COL6A1: variants seen among roughly 807,000 people sequenced by gnomAD.
COL6A1 encodes the protein collagen alpha-1(VI) chain.
A neutral mutation model predicts 145.6 loss-of-function variants in COL6A1; 80 were observed. That is an observed-to-expected ratio of 0.55 (90% CI 0.46 to 0.66). The LOEUF (loss-of-function observed/expected upper bound fraction) is 0.66, where lower values mean the gene tolerates loss of function less well. Ranked by LOEUF, COL6A1 falls within the 30% of genes least tolerant of loss-of-function variation. The pLI, the probability that COL6A1 is intolerant of heterozygous loss-of-function variation, is 0.00. For missense variants in COL6A1, 1,364 were observed against 1,473.8 expected, an observed-to-expected ratio of 0.93 and a Z score of 1.22; for synonymous variants, 638 against 622.8, an observed-to-expected ratio of 1.02 and a Z score of -0.36.
intron 29 of COL6A1, 154 bp from the exon 30 acceptor site, chr21:46,001,099 T>C: frequency 9.7e-7 from 1 of 1,034,324 alleles, no homozygotes; most frequent in East Asian, 2.6e-5. Flanking sequence ...TACGGGGCCA[T>C]GGGAGGGGGT....
chr21:45,999,247 G>A (rs373908392), intron 26 of COL6A1, 29 bp downstream of exon 26: 152 of 1,565,418 alleles, frequency 9.7e-5, no homozygotes, highest in Admixed American at 1.1e-4. Context: ...GTGAGGCCAC[G>A]GTGGGCTGTG....
intron 19 of COL6A1, among the ~76,000 whole-genome samples, chr21:45,993,846 C>G (rs1016063765): frequency 6.6e-6 from 1 of 152,206 alleles, no homozygotes; most frequent in Non-Finnish European, 1.5e-5. Context: ...AGCTTCCCGG[C>G]GGGCCACAAG....
At position 46,001,374 on chromosome 21, in the gene COL6A1, C is replaced by A; in HGVS notation, c.1944C>A (p.Asp648Glu). The change falls in exon 30 of 35, where the codon GAC (aspartate) becomes GAA (glutamate). Residue 648 changes from aspartate to glutamate, a missense_variant. Physicochemically the swap from Asp to Glu is conservative, Grantham distance 45. This residue lies in a region of COL6A1 where 938 missense variants were observed against 1,003.8 expected (regional missense o/e 0.93). Coordinates refer to ENST00000361866, the MANE Select transcript of COL6A1 (RefSeq NM_001848.3). ...AGGTCATCGACCGGCTGAGCCGGGA[C>A]GAGCTGGTCAAGGTGAGGCCTCGCC... The part of the protein sequence containing the change: ...VVKVIDRLSR[D>E]ELVKFEPGQS... 1 of 1,611,630 alleles carries A rather than the reference C, an allele frequency of 6.2e-7. No individual in the cohort carries two copies. The highest frequency in any genetic ancestry group is 8.5e-7 in the Non-Finnish European group (1 of 1,179,844).
intron 30 of COL6A1, among the ~76,000 whole-genome samples, chr21:46,001,664 G>A (rs1432837182): frequency 6.6e-6 from 1 of 152,206 alleles, no homozygotes; most frequent in Non-Finnish European, 1.5e-5. Context: ...GTGTGGGCTT[G>A]TCCCTCGTGG....
intron 30 of COL6A1, 135 bp from the exon 31 acceptor site, chr21:46,001,826 C>T (rs543107448): frequency 6.1e-5 from 45 of 741,922 alleles, no homozygotes; most frequent in South Asian, 2.9e-4. Flanking sequence ...CAGAGCCAAT[C>T]GCAGGGGACC....
intron 8 of COL6A1, 111 bp downstream of exon 8, chr21:45,987,765 CGGGG>C: frequency 8.9e-7 from 1 of 1,129,176 alleles, no homozygotes; most frequent in Non-Finnish European, 1.2e-6. Context: ...GAGGGGACGG[CGGGG>C]GTCCAGATGG....
intron 34 of COL6A1, 58 bp downstream of exon 34, chr21:46,003,207 G>T (rs2077859310): frequency 6.2e-7 from 1 of 1,612,892 alleles, no homozygotes; most frequent in East Asian, 2.2e-5. Flanking sequence ...TGGGGCGAGG[G>T]CTCTGAGAGG....
chr21:46,002,187 C>T (rs2077850184), intron 31 of COL6A1, 31 bp from the exon 32 acceptor site: 3 of 1,580,536 alleles, frequency 1.9e-6, no homozygotes, highest in Non-Finnish European at 2.6e-6. Context: ...GGCCTGGCCC[C>T]AACCGGCCCT....
At chr21:45,987,242 G>A (rs889555211) in intron 6 of COL6A1, 67 bp downstream of exon 6, 1 of 1,578,846 alleles carries the variant, frequency 6.3e-7, no homozygotes, top group Admixed American at 1.8e-5. Flanking sequence ...CCACCTGTGT[G>A]TTCAGGACGC....
At chr21:45,984,743 G>C (rs1356781793) in intron 3 of COL6A1, among the ~76,000 whole-genome samples, 1 of 151,956 alleles carries the variant, frequency 6.6e-6, no homozygotes, top group Non-Finnish European at 1.5e-5. Flanking sequence ...AAGAGTGACA[G>C]AGGGACCAAG....
chr21:45,984,746 G>C (rs1447741276), intron 3 of COL6A1, among the ~76,000 whole-genome samples: 1 of 144,428 alleles, frequency 6.9e-6, no homozygotes, highest in Non-Finnish European at 1.5e-5. Context: ...AGTGACAGAG[G>C]GACCAAGACA....
intron 26 of COL6A1, 56 bp from the exon 27 acceptor site, chr21:45,999,601 A>T: frequency 1.3e-6 from 2 of 1,596,656 alleles, no homozygotes; most frequent in Non-Finnish European, 1.7e-6. Context: ...GTCTCAGCTC[A>T]GGAAGCACAG....
intron 24 of COL6A1, 114 bp downstream of exon 24, chr21:45,998,547 A>G (rs988423071): frequency 8.4e-6 from 12 of 1,429,010 alleles, no homozygotes; most frequent in African/African-American, 1.4e-5. Context: ...CACACGGGGT[A>G]CACAGGCACC....
Position 45,994,076 on chromosome 21 carries a change from C to G in COL6A1, c.1336-91C>G. On this transcript the variant is annotated intron_variant, in intron 19 of 34. Coordinates refer to ENST00000361866, the MANE Select transcript of COL6A1 (RefSeq NM_001848.3). This position sits in a 1 kb window ranked among gnomAD's most constrained non-coding sequence, Gnocchi z 6.8. ...AAGGCCGGAACAGCCCAGTGACCAC[C>G]TGGACAGCATGCTGTGGCTCCCAGC... 7.5e-7 allele frequency: 1 copy of G among 1,337,272 alleles called. No homozygotes were observed. Among genetic ancestry groups the G allele is most frequent in the East Asian group, 2.5e-5 (1 of 40,004 alleles). 82.8% of individuals were successfully genotyped at this position (1,337,272 alleles called of 1,614,324 possible). A position where few individuals can be genotyped will look rare whatever the true frequency, so the allele number is the denominator to read the frequency against.
Position 45,994,072 on chromosome 21 carries a change from C to A in COL6A1, c.1336-95C>A. The A allele has an allele frequency of 7.8e-7, 1 of 1,288,484 alleles. No homozygotes were observed. Among genetic ancestry groups the A allele is most frequent in the Non-Finnish European group, 1.1e-6 (1 of 907,822 alleles). 79.8% of individuals were successfully genotyped at this position (1,288,484 alleles called of 1,614,324 possible). A position where few individuals can be genotyped will look rare whatever the true frequency, so the allele number is the denominator to read the frequency against. On this transcript the variant is annotated intron_variant, in intron 19 of 34. Coordinates refer to ENST00000361866, the MANE Select transcript of COL6A1 (RefSeq NM_001848.3). The surrounding 1 kb of genome is among the most constrained non-coding windows in gnomAD (Gnocchi z 6.8). Reference sequence around the variant, plus strand: ...AGGGAAGGCCGGAACAGCCCAGTGACCACCTGGACAGCATGCTGTGGCTCC... The same window carrying A: ...AGGGAAGGCCGGAACAGCCCAGTGAACACCTGGACAGCATGCTGTGGCTCC...
intron 20 of COL6A1, among the ~76,000 whole-genome samples, chr21:45,997,072 G>T (rs944270286): frequency 6.6e-6 from 1 of 150,630 alleles, no homozygotes; most frequent in African/African-American, 2.5e-5. Flanking sequence ...TGAGGCACCA[G>T]CCGGGCACTC....
In COL6A1 at chr21:45,992,088, GC is replaced by G; in HGVS notation, c.1182+21del. 4.3e-6 allele frequency: 7 copies of G among 1,613,304 alleles called. No homozygotes were observed. Among genetic ancestry groups the G allele is most frequent in the Non-Finnish European group, 5.9e-6 (7 of 1,179,884 alleles). ...TGGAGACGAGGTGAGGAGCTTCACA[GC>G]CCCCACACATGCCAGGTATGGGCCC... On this transcript the variant is annotated intron_variant, in intron 16 of 34. Coordinates refer to ENST00000361866, the MANE Select transcript of COL6A1 (RefSeq NM_001848.3).
rs749878539 is a variant in COL6A1 at position 45,997,526 on chromosome 21, C to G, written c.1461+43C>G. 8.8e-6 allele frequency: 14 copies of G among 1,596,332 alleles called. No homozygotes were observed. In the South Asian group the frequency reaches 1.4e-4, roughly 16 times the overall value. The stretch of plus-strand genomic sequence containing the variant: ...CCCACACCCGCCCACCCAGGGGGGC[C>G]TGAGGATCCAGAACCCACTGTCTGC... On this transcript the variant is annotated intron_variant, in intron 21 of 34. Coordinates refer to ENST00000361866, the MANE Select transcript of COL6A1 (RefSeq NM_001848.3).
Position 45,992,808 on chromosome 21 carries a change from C to T in COL6A1, c.1333C>T (p.Pro445Ser). The T allele has an allele frequency of 1.9e-6, 3 of 1,596,662 alleles. No individual in the cohort carries two copies. Among genetic ancestry groups the T allele is most frequent in the South Asian group, 1.1e-5 (1 of 87,988 alleles). ...AGGCACGCGGGGACCAAGAGGAGAC[C>T]CTGTGAGTCACAGTTCCTGGAGCTG... ...TPGTRGPRGD[P>S]GEAGPQGDQG... Residue 445 changes from proline to serine, a missense_variant and splice_region_variant, in exon 19 of 35, where the codon CCT becomes TCT. Around this residue, in one of 3 missense-constraint regions of COL6A1, gnomAD observed 938 missense variants for 1,003.8 expected, o/e 0.93. Transcript: ENST00000361866.
Sources: allele counts gnomAD v4.1 joint callset (sites outside exome capture counted in the v4.1 genomes callset), GRCh38; gene constraint gnomAD v4.1.1; regional missense constraint gnomAD v4.1.1; non-coding constraint Gnocchi (gnomAD v3.1); transcripts MANE v1.5; gene names NCBI Gene and HGNC (gene_info 2026-07-23, HGNC 2026-07-21).